CEPT1: variants seen among roughly 807,000 people sequenced by gnomAD.
The protein encoded by CEPT1 is choline/ethanolamine phosphotransferase 1, also known as choline/ethanolaminephosphotransferase 1.
A neutral mutation model predicts 42.6 loss-of-function variants in CEPT1; 7 were observed. The ratio of observed to expected loss-of-function variants is 0.16; its 90% CI spans 0.09 to 0.31. The LOEUF is 0.31. CEPT1 is among the 10% of genes least tolerant of loss of function. The probability of loss-of-function intolerance (pLI) is 1.00; values close to 1 mark genes in which losing one functional copy is unlikely to be tolerated. For synonymous variants in CEPT1, 171 were observed against 171.9 expected, an observed-to-expected ratio of 0.99 and a Z score of 0.04; for missense variants, 306 against 502.1, an observed-to-expected ratio of 0.61 and a Z score of 3.73.
intron 7 of CEPT1, 50 bp downstream of exon 7, chr1:111,183,007 T>G: frequency 1.3e-6 from 2 of 1,555,978 alleles, no homozygotes; most frequent in Non-Finnish European, 1.8e-6. Flanking sequence ...CATCTTATTT[T>G]GGATTTATGG....
intron 4 of CEPT1, among the ~76,000 whole-genome samples, chr1:111,163,785 A>G (rs1320895520): frequency 6.6e-6 from 1 of 152,214 alleles, no homozygotes; most frequent in Non-Finnish European, 1.5e-5. Context: ...GGAGAAAGTC[A>G]AAATTTATTT....
At chr1:111,179,284 C>T (rs914826820) in intron 5 of CEPT1, 1 of 152,174 alleles carries the variant, frequency 6.6e-6, no homozygotes, top group East Asian at 1.9e-4. Context: ...TGCATACCTT[C>T]ATGGTATGAG....
intron 3 of CEPT1, chr1:111,160,717 A>T (rs1043025393): frequency 6.4e-6 from 1 of 156,734 alleles, no homozygotes; most frequent in African/African-American, 2.4e-5. Context: ...GTCTTTTTCT[A>T]TGTATGTCAC....
chr1:111,144,194 C>G (rs1460279634), intron 1 of CEPT1, among the ~76,000 whole-genome samples: 2 of 152,172 alleles, frequency 1.3e-5, no homozygotes, highest in African/African-American at 2.4e-5. Context: ...AAGTTCCTGT[C>G]TTTTCTGTAA....
At chr1:111,149,750 T>G (rs1655171853) in intron 2 of CEPT1, among the ~76,000 whole-genome samples, 1 of 152,194 alleles carries the variant, frequency 6.6e-6, no homozygotes, top group African/African-American at 2.4e-5. Flanking sequence ...TCATTAGAGA[T>G]ATAGTAGAAC....
chr1:111,152,355 A>T (rs890016923), intron 2 of CEPT1, among the ~76,000 whole-genome samples: 1 of 152,176 alleles, frequency 6.6e-6, no homozygotes, highest in Non-Finnish European at 1.5e-5. Context: ...AGAGTTAAAA[A>T]AATGCAAAGA....
chr1:111,183,587 G>T lies in CEPT1; in HGVS notation c.1131G>T (p.Leu377=). 1 of 1,612,118 alleles carries T rather than the reference G, an allele frequency of 6.2e-7. No individual in the cohort carries two copies. Among genetic ancestry groups the T allele is most frequent in the Non-Finnish European group, 8.5e-7 (1 of 1,178,576 alleles). The change falls in exon 8 of 9, where the codon CTG becomes CTT. Residue 377 remains leucine (L), a splice_region_variant and synonymous_variant. Coordinates refer to ENST00000357172, the MANE Select transcript of CEPT1 (RefSeq NM_006090.5). ...AATATATTGTACTTTGGATTGCCCT[G>T]GTAAGTATTGTACTAAGTCTTATTT... The part of the protein sequence containing the change: ...IDEYIVLWIA[L]VFSFFDLIRY...
intron 1 of CEPT1, among the ~76,000 whole-genome samples, chr1:111,145,467 C>T (rs187757171): frequency 5.6e-4 from 86 of 152,214 alleles, no homozygotes; most frequent in Admixed American, 3.9e-3. Flanking sequence ...TTTTGGATGC[C>T]ACCTTAGGTC....
intron 1 of CEPT1, among the ~76,000 whole-genome samples, chr1:111,143,883 C>G (rs1255117032): frequency 6.6e-6 from 1 of 152,092 alleles, no homozygotes; most frequent in Non-Finnish European, 1.5e-5. Flanking sequence ...GAATGCATGA[C>G]AGGCCAGCAT....
intron 2 of CEPT1, among the ~76,000 whole-genome samples, chr1:111,151,193 C>T (rs919933134): frequency 9.3e-5 from 14 of 150,236 alleles, no homozygotes; most frequent in Non-Finnish European, 1.8e-4. Flanking sequence ...GGCGCAGTCT[C>T]GGTTCACTGC....
intron 1 of CEPT1, among the ~76,000 whole-genome samples, chr1:111,141,775 T>G (rs1242616063): frequency 6.6e-6 from 1 of 152,248 alleles, no homozygotes; most frequent in African/African-American, 2.4e-5. Flanking sequence ...TGTTAAATAA[T>G]GCTGAACTTA....
intron 6 of CEPT1, 152 bp from the exon 7 acceptor site, chr1:111,182,647 C>T (rs1657046346): frequency 3.0e-6 from 2 of 676,034 alleles, no homozygotes; most frequent in Non-Finnish European, 2.4e-6. Flanking sequence ...TTTTCATTAG[C>T]TCTTCTAGTT....
At chr1:111,154,165 C>T (rs1655431016) in intron 2 of CEPT1, among the ~76,000 whole-genome samples, 1 of 150,776 alleles carries the variant, frequency 6.6e-6, no homozygotes, top group South Asian at 2.1e-4. Context: ...TCTTTCAACT[C>T]CTTGGTTAAA....
Position 111,147,879 on chromosome 1 carries a change from A to G in CEPT1, c.165A>G (p.Arg55=). ...RHQLKRLEEH[R]YQSAGRSLLE... ...AACTAAAGCGGCTAGAAGAACACAGATATCAAAGTGCTGGACGGTCCCTGC... is the reference window on the plus strand; with the variant it reads ...AACTAAAGCGGCTAGAAGAACACAGGTATCAAAGTGCTGGACGGTCCCTGC... Residue 55 remains arginine (R), a synonymous_variant, in exon 2 of 9, where the codon AGA becomes AGG. Coordinates refer to ENST00000357172, the MANE Select transcript of CEPT1 (RefSeq NM_006090.5). 1 of 1,614,186 alleles carries G rather than the reference A, an allele frequency of 6.2e-7. No homozygotes were observed. The highest frequency in any genetic ancestry group is 8.5e-7 in the Non-Finnish European group (1 of 1,180,026).
At chr1:111,143,306 C>T (rs550978507) in intron 1 of CEPT1, among the ~76,000 whole-genome samples, 225 of 152,330 alleles carry the variant, frequency 1.5e-3, no homozygotes, top group Non-Finnish European at 2.5e-3. Flanking sequence ...ACGTCTGGCT[C>T]CTTCTTTTCC....
chr1:111,150,626 T>A (rs1655217575), intron 2 of CEPT1, among the ~76,000 whole-genome samples: 1 of 152,230 alleles, frequency 6.6e-6, no homozygotes, highest in Admixed American at 6.5e-5. Context: ...ACTTCCCATA[T>A]ATTTTTTATG....
intron 5 of CEPT1, among the ~76,000 whole-genome samples, chr1:111,177,252 G>A (rs544377054): frequency 6.6e-6 from 1 of 152,278 alleles, no homozygotes; most frequent in African/African-American, 2.4e-5. Flanking sequence ...GACAGGATAT[G>A]GGTCTGTGCA....
In CEPT1 at chr1:111,147,634, T is replaced by C. The variant is rs1011271481; in HGVS notation, c.-73-8T>C. ...ATTTTTTAATTTTTATTTTATTTTA[T>C]TTTTTAGGTAAGCACCAGCCACAAA... is the stretch of plus-strand genomic sequence containing the variant. On this transcript the variant is annotated splice_region_variant and splice_polypyrimidine_tract_variant and intron_variant, in intron 1 of 8. Transcript: ENST00000357172. The C allele has an allele frequency of 1.1e-6, 1 of 906,212 alleles. No homozygotes were observed. Among genetic ancestry groups the C allele is most frequent in the Non-Finnish European group, 1.6e-6 (1 of 619,388 alleles). 56.1% of individuals were successfully genotyped at this position (906,212 alleles called of 1,614,324 possible).
intron 2 of CEPT1, among the ~76,000 whole-genome samples, chr1:111,149,190 A>G (rs368108972): frequency 2.2e-4 from 34 of 151,328 alleles, no homozygotes; most frequent in African/African-American, 7.3e-4. Context: ...TTCATTTCCC[A>G]TCACCCTTAA....
Sources: allele counts gnomAD v4.1 joint callset (sites outside exome capture counted in the v4.1 genomes callset), GRCh38; gene constraint gnomAD v4.1.1; transcripts MANE v1.5; gene names NCBI Gene and HGNC (gene_info 2026-07-23, HGNC 2026-07-21).